GPATCH2: variants seen among roughly 807,000 people sequenced by gnomAD.
GPATCH2 encodes the protein G-patch domain containing 2, also known as G patch domain-containing protein 2.
A neutral mutation model predicts 58.0 loss-of-function variants in GPATCH2; 51 were observed. That is an observed-to-expected ratio of 0.88 (90% CI 0.70 to 1.11). GPATCH2 has a LOEUF of 1.11. Ranked by LOEUF, GPATCH2 falls within the 50% of genes most tolerant of loss-of-function variation. The pLI is 0.00. For missense variants in GPATCH2, 625 were observed against 652.2 expected, an observed-to-expected ratio of 0.96 and a Z score of 0.45; for synonymous variants, 222 against 218.5, an observed-to-expected ratio of 1.02 and a Z score of -0.14.
chr1:217,556,820 G>C (rs1040346896), intron 5 of GPATCH2, among the ~76,000 whole-genome samples: 20 of 152,238 alleles, frequency 1.3e-4, no homozygotes, highest in Admixed American at 2.6e-4. Flanking sequence ...CAGATACAAT[G>C]TTTCGGGGAA....
intron 6 of GPATCH2, among the ~76,000 whole-genome samples, chr1:217,508,323 G>A (rs1329414016): frequency 5.3e-5 from 8 of 151,928 alleles, no homozygotes; most frequent in African/African-American, 9.7e-5. Flanking sequence ...AAGCAAACTC[G>A]ATATTTACAC....
chr1:217,445,244 A>G (rs1659332639), intron 9 of GPATCH2, among the ~76,000 whole-genome samples: 2 of 152,140 alleles, frequency 1.3e-5, no homozygotes, highest in Admixed American at 1.3e-4. Context: ...AGAAAGCAAA[A>G]TAGTAATAGG....
intron 8 of GPATCH2, among the ~76,000 whole-genome samples, chr1:217,481,815 T>C (rs1661224214): frequency 6.6e-6 from 1 of 152,116 alleles, no homozygotes; most frequent in Non-Finnish European, 1.5e-5. Flanking sequence ...GAGCTATGAC[T>C]GTACCACTGC....
At chr1:217,521,407 TGGGGATTTGTC>T (rs1057277379) in intron 5 of GPATCH2, among the ~76,000 whole-genome samples, 8 of 151,750 alleles carry the variant, frequency 5.3e-5, no homozygotes, top group Admixed American at 1.3e-4. Context: ...TTTCTGTATT[TGGGGATTTGTC>T]CCAGGAGATG....
intron 6 of GPATCH2, among the ~76,000 whole-genome samples, chr1:217,508,087 G>A (rs1486897938): frequency 6.6e-6 from 1 of 151,718 alleles, no homozygotes. Context: ...ATATAAGAAA[G>A]GACTGTTACT....
chr1:217,549,927 A>C (rs1571902176), intron 5 of GPATCH2, among the ~76,000 whole-genome samples: 2 of 152,196 alleles, frequency 1.3e-5, no homozygotes, highest in Admixed American at 1.3e-4. Flanking sequence ...CAATTGCTTT[A>C]AATTATATAC....
chr1:217,523,650 GC>G (rs1663604662), intron 5 of GPATCH2, among the ~76,000 whole-genome samples: 1 of 151,266 alleles, frequency 6.6e-6, no homozygotes, highest in Admixed American at 6.6e-5. Context: ...CCACAAAACC[GC>G]CATTGTCATC....
At chr1:217,474,322 T>G (rs1446464211) in intron 8 of GPATCH2, among the ~76,000 whole-genome samples, 1 of 152,168 alleles carries the variant, frequency 6.6e-6, no homozygotes, top group African/African-American at 2.4e-5. Context: ...TTAAAGGAAA[T>G]TATAAAGGTC....
Position 217,498,348 on chromosome 1 carries a change from G to T in GPATCH2, c.1206+8C>A. 6.2e-7 allele frequency: 1 copy of T among 1,606,376 alleles called. No individual in the cohort carries two copies. Among genetic ancestry groups the T allele is most frequent in the Non-Finnish European group, 8.5e-7 (1 of 1,172,960 alleles). On this transcript the variant is annotated splice_region_variant and intron_variant, in intron 7 of 9. Coordinates refer to ENST00000366935, the MANE Select transcript of GPATCH2 (RefSeq NM_018040.5). ...AGTAACTTCCTTTTGGATTACAATGGTCCTTACCTGGTCATGCTCTGTCCT... is the reference window on the plus strand; with the variant it reads ...AGTAACTTCCTTTTGGATTACAATGTTCCTTACCTGGTCATGCTCTGTCCT...
chr1:217,518,476 TAAA>T (rs1355361157), intron 5 of GPATCH2, among the ~76,000 whole-genome samples: 1 of 152,218 alleles, frequency 6.6e-6, no homozygotes, highest in African/African-American at 2.4e-5. Context: ...GCTTAAAAGA[TAAA>T]AAGTTGGTTT....
Position 217,619,903 on chromosome 1 carries a change from C to G in GPATCH2, c.653G>C (p.Arg218Thr). The G allele has an allele frequency of 6.2e-7, 1 of 1,613,750 alleles. No homozygotes were observed. Among genetic ancestry groups the G allele is most frequent in the Non-Finnish European group, 8.5e-7 (1 of 1,179,800 alleles). ...TTCATCTTGGATTTTTGGTCCTTGT[C>G]TGATTATTTTCAACTTTCTTTTTTT... is the stretch of plus-strand genomic sequence containing the variant. ...KVKKRKLKII[R>T]QGPKIQDEGV... Residue 218 changes from arginine (R) to threonine (T), a missense_variant, in exon 2 of 10, where the codon AGA becomes ACA. Physicochemically the swap from Arg to Thr is moderately conservative, Grantham distance 71. Transcript: ENST00000366935.
At chr1:217,587,299 AT>A (rs1288356149) in intron 5 of GPATCH2, among the ~76,000 whole-genome samples, 1 of 152,188 alleles carries the variant, frequency 6.6e-6, no homozygotes, top group Non-Finnish European at 1.5e-5. Flanking sequence ...GAAGTCCTAA[AT>A]TTCAGAAACT....
At chr1:217,617,979 G>A (rs570938879) in intron 2 of GPATCH2, among the ~76,000 whole-genome samples, 1 of 151,976 alleles carries the variant, frequency 6.6e-6, no homozygotes, top group African/African-American at 2.4e-5. Flanking sequence ...AAAAGGGGGG[G>A]AGCTTGCACA....
intron 9 of GPATCH2, among the ~76,000 whole-genome samples, chr1:217,446,615 CCTG>C (rs1176403971): frequency 6.6e-6 from 1 of 152,086 alleles, no homozygotes; most frequent in East Asian, 1.9e-4. Flanking sequence ...ATGCAATTCT[CCTG>C]CTCCACTACT....
Position 217,620,250 on chromosome 1 carries a change from G to A in GPATCH2, c.306C>T (p.Asp102=). 6.2e-7 allele frequency: 1 copy of A among 1,613,614 alleles called. No homozygotes were observed. Among genetic ancestry groups the A allele is most frequent in the African/African-American group, 1.3e-5 (1 of 75,000 alleles). Residue 102 remains aspartate (D), a synonymous_variant, in exon 2 of 10, where the codon GAC becomes GAT. Coordinates refer to ENST00000366935, the MANE Select transcript of GPATCH2 (RefSeq NM_018040.5). ...SDSSLEEPSK[D]YRENHNNNKK... ...TATTATTATTGTGATTCTCTCTATA[G>A]TCCTTGCTTGGTTCTTCTAAACTAG...
intron 3 of GPATCH2, among the ~76,000 whole-genome samples, chr1:217,612,465 C>CACA (rs1219879509): frequency 1.3e-5 from 2 of 152,058 alleles, no homozygotes; most frequent in African/African-American, 4.8e-5. Context: ...TCAACTAAGT[C>CACA]ACAATGGAAA....
At chr1:217,487,749 CTA>C (rs1314532421) in intron 8 of GPATCH2, among the ~76,000 whole-genome samples, 4 of 148,556 alleles carry the variant, frequency 2.7e-5, no homozygotes, top group African/African-American at 7.5e-5. Context: ...TCACTGTAAC[CTA>C]TGTTTTTTGG....
intron 8 of GPATCH2, among the ~76,000 whole-genome samples, chr1:217,467,754 T>C (rs147650549): frequency 1.4e-4 from 21 of 152,266 alleles, no homozygotes; most frequent in African/African-American, 5.1e-4. Context: ...CAGACATTCC[T>C]AACATCCAGA....
At chr1:217,577,064 A>G (rs1265613770) in intron 5 of GPATCH2, among the ~76,000 whole-genome samples, 1 of 152,182 alleles carries the variant, frequency 6.6e-6, no homozygotes, top group African/African-American at 2.4e-5. Context: ...ATAATGCACA[A>G]ATATTTTCAC....
Sources: allele counts gnomAD v4.1 joint callset (sites outside exome capture counted in the v4.1 genomes callset), GRCh38; gene constraint gnomAD v4.1.1; transcripts MANE v1.5; gene names NCBI Gene and HGNC (gene_info 2026-07-23, HGNC 2026-07-21).